MSRA: variants seen among roughly 807,000 people sequenced by gnomAD.
MSRA encodes methionine sulfoxide reductase A, also known as mitochondrial peptide methionine sulfoxide reductase.
In MSRA, 54 loss-of-function variants were observed where a neutral mutation model predicts 31.3. The observed-to-expected ratio is 1.73, with a 90% CI of 1.39 to 2.17. MSRA has a LOEUF of 2.17. MSRA is among the 30% of genes most tolerant of loss of function. MSRA has a pLI of 0.00. For synonymous variants in MSRA, 169 were observed against 116.5 expected (o/e 1.45, Z -2.90); for missense variants, 507 against 300.9 (o/e 1.69, Z -5.07).
intron 5 of MSRA, among the ~76,000 whole-genome samples, chr8:10,386,996 A>C (rs1806435893): frequency 6.6e-6 from 1 of 152,054 alleles, no homozygotes; most frequent in Non-Finnish European, 1.5e-5. Flanking sequence ...CGTGCAGAAC[A>C]CCTGGGGTCA....
chr8:10,290,937 A>G (rs7004254), intron 3 of MSRA, among the ~76,000 whole-genome samples: 44,741 of 152,056 alleles, frequency 0.29, 6,865 homozygotes, highest in East Asian at 0.36. Flanking sequence ...GTGCCAGTCT[A>G]GAAAATGGGC....
intron 2 of MSRA, among the ~76,000 whole-genome samples, chr8:10,227,154 A>C (rs529497738): frequency 6.6e-6 from 1 of 152,174 alleles, no homozygotes; most frequent in Non-Finnish European, 1.5e-5. Context: ...AATGTGTTGA[A>C]TGAGGAGCAG....
intron 1 of MSRA, among the ~76,000 whole-genome samples, chr8:10,097,164 A>G (rs928336565): frequency 1.3e-5 from 2 of 152,230 alleles, no homozygotes; most frequent in Non-Finnish European, 2.9e-5. Flanking sequence ...ATGGCATTTA[A>G]TATATAAATA....
Position 10,337,415 on chromosome 8 carries a change from G to T in MSRA, c.543+17426G>T, listed in dbSNP as rs926193987. The T allele has an allele frequency of 1.7e-4, 53 of 311,148 alleles. 1 individual carries two copies. The highest frequency in any genetic ancestry group is 2.2e-4 in the Non-Finnish European group (37 of 166,920). 19.3% of individuals were successfully genotyped at this position (311,148 alleles called of 1,614,324 possible). On this transcript the variant is annotated intron_variant, in intron 5 of 5. Coordinates refer to ENST00000317173, the MANE Select transcript of MSRA (RefSeq NM_012331.5). The stretch of plus-strand genomic sequence containing the variant: ...AGGATGATCTGGATCTCCTGACCTC[G>T]TGATCCACCAGCCTCGGCCTCCCAA...
chr8:10,275,051 G>A (rs1002621123), intron 3 of MSRA, among the ~76,000 whole-genome samples: 1 of 152,122 alleles, frequency 6.6e-6, no homozygotes, highest in African/African-American at 2.4e-5. Context: ...GACATGACGT[G>A]CAAATGCATT....
intron 1 of MSRA, among the ~76,000 whole-genome samples, chr8:10,204,562 C>A (rs1473651593): frequency 1.3e-5 from 2 of 152,176 alleles, no homozygotes; most frequent in Non-Finnish European, 2.9e-5. Flanking sequence ...AGCCTAGGGG[C>A]AATAGACTAT....
intron 4 of MSRA, among the ~76,000 whole-genome samples, chr8:10,315,840 G>C (rs1402399879): frequency 6.6e-6 from 1 of 152,150 alleles, no homozygotes. Flanking sequence ...AGTCCCAAAA[G>C]ACATTCTAGG....
chr8:10,085,065 C>G (rs1019820792), intron 1 of MSRA, among the ~76,000 whole-genome samples: 2 of 152,030 alleles, frequency 1.3e-5, no homozygotes, highest in East Asian at 1.9e-4. Flanking sequence ...TGGCAAAAAT[C>G]GTGAACACAG....
chr8:10,414,905 C>T (rs1020452711), intron 5 of MSRA, among the ~76,000 whole-genome samples: 5 of 152,154 alleles, frequency 3.3e-5, no homozygotes, highest in South Asian at 2.1e-4. Context: ...AAGACAGGGA[C>T]AGGGAAAGAG....
chr8:10,313,286 T>C (rs1041145006), intron 4 of MSRA, among the ~76,000 whole-genome samples: 1 of 152,152 alleles, frequency 6.6e-6, no homozygotes, highest in Non-Finnish European at 1.5e-5. Context: ...TTGAAGGTGG[T>C]GAAGCTTCTG....
chr8:10,357,527 GC>G (rs1424165364), intron 5 of MSRA, among the ~76,000 whole-genome samples: 2 of 152,142 alleles, frequency 1.3e-5, no homozygotes, highest in Non-Finnish European at 2.9e-5. Flanking sequence ...TCTTTGACCA[GC>G]CGGAGCTCCT....
intron 3 of MSRA, among the ~76,000 whole-genome samples, chr8:10,300,499 G>A (rs543776720): frequency 2.6e-5 from 4 of 151,782 alleles, no homozygotes; most frequent in East Asian, 1.9e-4. Context: ...CAAGTGATCC[G>A]CCTGCCTTGG....
At chr8:10,087,598 T>C (rs1798631804) in intron 1 of MSRA, among the ~76,000 whole-genome samples, 2 of 152,228 alleles carry the variant, frequency 1.3e-5, no homozygotes, top group Admixed American at 1.3e-4. Context: ...AACTCATTTG[T>C]CTTCCATTTT....
chr8:10,316,529 T>TCC, intron 4 of MSRA, among the ~76,000 whole-genome samples: 1 of 18,550 alleles, frequency 5.4e-5, no homozygotes, highest in Non-Finnish European at 1.0e-4. Context: ...TGATGATCCC[T>TCC]CTCTCTCTCT....
At chr8:10,248,072 A>C (rs544181873) in intron 3 of MSRA, among the ~76,000 whole-genome samples, 92 of 152,272 alleles carry the variant, frequency 6.0e-4, no homozygotes, top group African/African-American at 2.2e-3. Flanking sequence ...GGTCTGACTT[A>C]AGAGAAGGAA....
At chr8:10,366,963 C>A (rs1805201892) in intron 5 of MSRA, among the ~76,000 whole-genome samples, 2 of 152,168 alleles carry the variant, frequency 1.3e-5, no homozygotes, top group South Asian at 4.1e-4. Flanking sequence ...TAAGTAGTCT[C>A]CCCTTATCCG....
intron 5 of MSRA, among the ~76,000 whole-genome samples, chr8:10,388,542 A>G (rs1019828487): frequency 3.3e-5 from 5 of 152,056 alleles, no homozygotes; most frequent in African/African-American, 1.2e-4. Context: ...AGCTTCGAAA[A>G]ATCCTGCAAG....
At chr8:10,250,220 A>G (rs1230697845) in intron 3 of MSRA, among the ~76,000 whole-genome samples, 1 of 152,190 alleles carries the variant, frequency 6.6e-6, no homozygotes, top group East Asian at 1.9e-4. Flanking sequence ...AGCTATTCAG[A>G]TTCCTGAATA....
chr8:10,349,785 G>A (rs941307628), intron 5 of MSRA, among the ~76,000 whole-genome samples: 1 of 152,268 alleles, frequency 6.6e-6, no homozygotes, highest in African/African-American at 2.4e-5. Flanking sequence ...CCCCGTTGCT[G>A]TTTTGGCCCC....
Sources: allele counts gnomAD v4.1 joint callset (sites outside exome capture counted in the v4.1 genomes callset), GRCh38; gene constraint gnomAD v4.1.1; transcripts MANE v1.5; gene names NCBI Gene and HGNC (gene_info 2026-07-23, HGNC 2026-07-21).